Variants in GPHN observed in about 807,000 individuals in gnomAD.
The protein encoded by GPHN is gephyrin.
A neutral mutation model predicts 95.5 loss-of-function variants in GPHN; 17 were observed. That is an observed-to-expected ratio of 0.18 (90% CI 0.12 to 0.27). GPHN has a LOEUF of 0.27. GPHN is among the 10% of genes least tolerant of loss of function. The probability of loss-of-function intolerance (pLI) is 1.00; values close to 1 mark genes in which losing one functional copy is unlikely to be tolerated. For missense variants in GPHN, 660 were observed against 978.1 expected, an observed-to-expected ratio of 0.67 and a Z score of 4.34; for synonymous variants, 320 against 322.5, an observed-to-expected ratio of 0.99 and a Z score of 0.08.
the GPHN span, among the ~76,000 whole-genome samples, chr14:67,289,657 A>G: frequency 6.6e-6 from 1 of 152,248 alleles, no homozygotes; most frequent in East Asian, 1.9e-4. Flanking sequence ...TAAAAATTTA[A>G]CTGCTGTTCA....
chr14:66,804,918 G>T (rs1022001968), intron 3 of GPHN, among the ~76,000 whole-genome samples: 2 of 152,140 alleles, frequency 1.3e-5, no homozygotes, highest in Admixed American at 6.5e-5. Context: ...AAATAAAAAA[G>T]ATACTTCTGT....
At chr14:67,359,952 T>A in the GPHN span, 1 of 553,750 alleles carries the variant, frequency 1.8e-6, no homozygotes, top group Non-Finnish European at 3.2e-6. Context: ...ACCCCTCAAT[T>A]CCGGTTCGCC....
At chr14:67,734,039 G>A in the GPHN span, 1 of 526,084 alleles carries the variant, frequency 1.9e-6, no homozygotes, top group Non-Finnish European at 3.6e-6. Context: ...TATGGCATGA[G>A]TTGTGGACAC....
intron 4 of GPHN, among the ~76,000 whole-genome samples, chr14:66,872,463 A>G (rs991184154): frequency 1.3e-5 from 2 of 152,206 alleles, no homozygotes; most frequent in Non-Finnish European, 2.9e-5. Context: ...CTTGACCATT[A>G]TACAGTAAAA....
At chr14:67,318,795 T>G in the GPHN span, among the ~76,000 whole-genome samples, 1 of 152,078 alleles carries the variant, frequency 6.6e-6, no homozygotes, top group Non-Finnish European at 1.5e-5. Context: ...CGGTGGGTCA[T>G]GCCTGTAATC....
At position 66,508,262 on chromosome 14, in the gene GPHN, GCCC is replaced by G. The variant is rs897510477; in HGVS notation, c.-262_-260del. On this transcript the variant is annotated 5_prime_UTR_variant, in exon 1 of 23. Transcript: ENST00000478722. ...CGCGCTCTCCCCGTGCGGCCACCGCGCCCCCCAAGCTTGCCTCCTTCTTGCCGG... is the reference window on the plus strand; with the variant it reads ...CGCGCTCTCCCCGTGCGGCCACCGCGCCCAAGCTTGCCTCCTTCTTGCCGG... 12 of 565,430 alleles carry G rather than the reference GCCC, an allele frequency of 2.1e-5. No homozygotes were observed. The Admixed American group carries it at 3.7e-4, about 17-fold the overall frequency. The allele number at this position is 565,430 out of a possible 1,614,324, so 35.0% of individuals were successfully genotyped here. A position where few individuals can be genotyped will look rare whatever the true frequency, so the allele number is the denominator to read the frequency against.
the GPHN span, chr14:67,561,884 A>G: frequency 8.3e-6 from 10 of 1,205,096 alleles, no homozygotes; most frequent in South Asian, 9.6e-5. Context: ...AAAAAAAAAA[A>G]AAGAATTGAA....
At chr14:67,634,791 G>C in the GPHN span, among the ~76,000 whole-genome samples, 2 of 152,218 alleles carry the variant, frequency 1.3e-5, no homozygotes, top group African/African-American at 4.8e-5. Flanking sequence ...GAACCTAAGA[G>C]ATTACAGTGG....
chr14:67,382,344 G>T, the GPHN span: 5 of 1,072,412 alleles, frequency 4.7e-6, no homozygotes, highest in African/African-American at 6.5e-5. Flanking sequence ...ATTACGTTTT[G>T]GGGTGATTTG....
At chr14:66,576,559 A>G (rs2060909017) in intron 1 of GPHN, among the ~76,000 whole-genome samples, 1 of 152,106 alleles carries the variant, frequency 6.6e-6, no homozygotes, top group South Asian at 2.1e-4. Context: ...CAGGATTGCA[A>G]TCTGCTTAGA....
At chr14:67,349,217 G>A in the GPHN span, 1 of 1,038,636 alleles carries the variant, frequency 9.6e-7, no homozygotes, top group South Asian at 1.5e-5. Flanking sequence ...TCACAATTAA[G>A]TATGTTTTGA....
rs531169275 is a variant in GPHN at position 67,168,821 on chromosome 14, A to G, written c.1976-112A>G. The G allele has an allele frequency of 9.2e-5, 71 of 770,594 alleles. No individual in the cohort carries two copies. The Admixed American group carries it at 1.4e-3, about 15-fold the overall frequency. The allele number at this position is 770,594 out of a possible 1,614,324, so 47.7% of individuals were successfully genotyped here. A position where few individuals can be genotyped will look rare whatever the true frequency, so the allele number is the denominator to read the frequency against. On this transcript the variant is annotated intron_variant, in intron 20 of 22. Coordinates refer to ENST00000478722, the MANE Select transcript of GPHN (RefSeq NM_020806.5). ...TTCAAGGTGATTCAGAAGAGGAAAA[A>G]TAGTGCCTAGTCACTTCCGTCACAT... is the stretch of plus-strand genomic sequence containing the variant.
intron 18 of GPHN, among the ~76,000 whole-genome samples, chr14:67,146,385 T>C (rs1384833559): frequency 1.3e-5 from 2 of 152,218 alleles, no homozygotes; most frequent in African/African-American, 4.8e-5. Context: ...GTTAAATAGT[T>C]AAACAGTATC....
intron 2 of GPHN, among the ~76,000 whole-genome samples, chr14:66,751,557 ATTTG>A (rs1250838939): frequency 6.6e-6 from 1 of 151,914 alleles, no homozygotes; most frequent in African/African-American, 2.4e-5. Context: ...TTTCTTTTAA[ATTTG>A]TTTAAGTTCC....
At position 67,114,210 on chromosome 14, in the gene GPHN, A is replaced by T. The variant is rs144686552; in HGVS notation, c.1626+1039A>T. On this transcript the variant is annotated intron_variant, in intron 16 of 22. Transcript: ENST00000478722. ...TTTCCAAAAACTATTGATTGACAAA[A>T]AACATTCTTTTCAATTTGATCTACA... 3.9e-5 allele frequency among the ~76,000 whole-genome samples: 6 copies of T among 152,354 alleles called. No individual in the cohort carries two copies. In the East Asian group the frequency reaches 1.2e-3, roughly 29 times the overall value.
At chr14:67,031,436 A>G (rs1354840410) in intron 10 of GPHN, among the ~76,000 whole-genome samples, 2 of 152,142 alleles carry the variant, frequency 1.3e-5, no homozygotes, top group Non-Finnish European at 2.9e-5. Flanking sequence ...CACTTAGATT[A>G]CCTTTCTTTA....
At chr14:66,714,032 G>C (rs1056972055) in intron 2 of GPHN, among the ~76,000 whole-genome samples, 1 of 152,164 alleles carries the variant, frequency 6.6e-6, no homozygotes, top group Non-Finnish European at 1.5e-5. Context: ...GCCTCCCAAA[G>C]TGCTGGGATT....
At chr14:67,567,423 T>G in the GPHN span, among the ~76,000 whole-genome samples, 1 of 152,198 alleles carries the variant, frequency 6.6e-6, no homozygotes, top group Non-Finnish European at 1.5e-5. Context: ...TCCTTCAAAC[T>G]TCAGTTTCAT....
At chr14:67,610,823 A>G in the GPHN span, among the ~76,000 whole-genome samples, 1 of 152,014 alleles carries the variant, frequency 6.6e-6, no homozygotes, top group African/African-American at 2.4e-5. Flanking sequence ...TAGCCTCCAA[A>G]TTCTTGGAGA....
Sources: allele counts gnomAD v4.1 joint callset (sites outside exome capture counted in the v4.1 genomes callset), GRCh38; gene constraint gnomAD v4.1.1; transcripts MANE v1.5; gene names NCBI Gene and HGNC (gene_info 2026-07-23, HGNC 2026-07-21).